EYA2: variants seen among roughly 807,000 people sequenced by gnomAD.
EYA2 encodes the protein protein phosphatase EYA2.
In EYA2, 31 loss-of-function variants were observed where a neutral mutation model predicts 69.2. The observed-to-expected ratio is 0.45, with a 90% confidence interval of 0.34 to 0.60. EYA2 has a LOEUF of 0.60. Ranked by LOEUF, EYA2 falls within the 20% of genes least tolerant of loss-of-function variation. The pLI is 0.02. For missense variants in EYA2, 622 were observed against 701.2 expected, an observed-to-expected ratio of 0.89 and a Z score of 1.28; for synonymous variants, 257 against 279.4, an observed-to-expected ratio of 0.92 and a Z score of 0.80.
intron 1 of EYA2, among the ~76,000 whole-genome samples, chr20:46,912,559 G>A (rs907238113): frequency 3.1e-4 from 47 of 152,286 alleles, no homozygotes; most frequent in Non-Finnish European, 5.7e-4. Flanking sequence ...TTGTTTAGGG[G>A]GGAAAGAAGA....
intron 1 of EYA2, among the ~76,000 whole-genome samples, chr20:46,900,986 T>C (rs1442296245): frequency 6.6e-6 from 1 of 152,198 alleles, no homozygotes; most frequent in Non-Finnish European, 1.5e-5. Context: ...TGAAAACCAC[T>C]AGTTCTCGTT....
intron 12 of EYA2, 84 bp downstream of exon 12, chr20:47,172,951 A>G: frequency 6.7e-7 from 1 of 1,481,500 alleles, no homozygotes; most frequent in Non-Finnish European, 9.1e-7. Context: ...GCCAGGCGCC[A>G]GGCAGAGAGG....
At chr20:47,164,742 C>T (rs1426058636) in intron 10 of EYA2, among the ~76,000 whole-genome samples, 1 of 152,066 alleles carries the variant, frequency 6.6e-6, no homozygotes, top group Non-Finnish European at 1.5e-5. Context: ...AATGGATGCC[C>T]TGGCTGAAGG....
At chr20:47,099,771 T>C (rs2032370799) in intron 9 of EYA2, among the ~76,000 whole-genome samples, 1 of 152,232 alleles carries the variant, frequency 6.6e-6, no homozygotes, top group Admixed American at 6.5e-5. Context: ...CCTCTCCATC[T>C]AAATTGCGTC....
intron 5 of EYA2, among the ~76,000 whole-genome samples, chr20:47,034,734 T>C (rs576835711): frequency 1.8e-4 from 28 of 152,320 alleles, no homozygotes; most frequent in Admixed American, 8.5e-4. Context: ...TTGAAGAATA[T>C]AAGTTTATTG....
At chr20:47,160,108 G>A (rs1009118788) in intron 10 of EYA2, among the ~76,000 whole-genome samples, 1 of 152,172 alleles carries the variant, frequency 6.6e-6, no homozygotes. Context: ...GGAGCGGGAC[G>A]TGATCTGACT....
At chr20:46,933,480 G>C (rs955788442) in intron 1 of EYA2, among the ~76,000 whole-genome samples, 3 of 152,208 alleles carry the variant, frequency 2.0e-5, no homozygotes, top group Non-Finnish European at 4.4e-5. Context: ...GATCAGGTTG[G>C]TGTTGGCTCC....
rs181174816 is a variant in EYA2, at chr20:47,173,998, C to T, written c.1198+1131C>T. On this transcript the variant is annotated intron_variant, in intron 12 of 15. Coordinates refer to ENST00000327619, the MANE Select transcript of EYA2 (RefSeq NM_005244.5). The stretch of plus-strand genomic sequence containing the variant: ...ACAAGAAGTCTGAAGGCACTGAAGG[C>T]GAGGCTGGCTCAGCCGTAGTCTAGA... Among the ~76,000 whole-genome samples the T allele has an allele frequency of 4.7e-4, 72 of 152,284 alleles. 1 individual carries two copies. In the South Asian group the frequency reaches 0.011, roughly 24 times the overall value.
At chr20:47,143,008 A>T (rs558133381) in intron 9 of EYA2, 51 bp from the exon 10 acceptor site, 1 of 1,557,168 alleles carries the variant, frequency 6.4e-7, no homozygotes, top group South Asian at 1.1e-5. Flanking sequence ...AGGGTAGCTA[A>T]GATTCCTCAG....
chr20:47,173,081 T>G (rs2034358050), intron 12 of EYA2, among the ~76,000 whole-genome samples: 1 of 152,182 alleles, frequency 6.6e-6, no homozygotes, highest in East Asian at 1.9e-4. Context: ...AGGCTGCATC[T>G]GGTCCAAGAT....
chr20:47,007,990 A>G (rs1049514079), intron 4 of EYA2, among the ~76,000 whole-genome samples: 3 of 152,166 alleles, frequency 2.0e-5, no homozygotes, highest in Admixed American at 6.5e-5. Flanking sequence ...CAGGAGGAGA[A>G]GCAGGAAGGC....
At chr20:47,084,077 G>C (rs6012112) in intron 7 of EYA2, among the ~76,000 whole-genome samples, 135,367 of 151,706 alleles carry the variant, frequency 0.89, 61,428 homozygotes, top group Non-Finnish European at 0.98. Flanking sequence ...GAAACCCTGT[G>C]TCTACTAAAA....
chr20:47,123,052 A>G (rs1246590066), intron 9 of EYA2, among the ~76,000 whole-genome samples: 1 of 151,964 alleles, frequency 6.6e-6, no homozygotes, highest in African/African-American at 2.4e-5. Context: ...TAACAATAAT[A>G]CTCACCTTAT....
At chr20:46,942,128 T>C (rs1986180434) in intron 1 of EYA2, among the ~76,000 whole-genome samples, 1 of 152,238 alleles carries the variant, frequency 6.6e-6, no homozygotes, top group South Asian at 2.1e-4. Context: ...GTAACATGTT[T>C]TCTGTTACTA....
rs768509208 is a variant in EYA2 at position 47,180,852 on chromosome 20, C to T, written c.1351C>T (p.Leu451=). ...CAATGTGCTGGTCACCACCACTCAACTAATTCCTGCCCTGGCCAAAGTCCT... is the reference window on the plus strand; with the variant it reads ...CAATGTGCTGGTCACCACCACTCAATTAATTCCTGCCCTGGCCAAAGTCCT... ...CVNVLVTTTQ[L]IPALAKVLLY... Residue 451 remains leucine (L), a synonymous_variant, in exon 14 of 16, where the codon CTA becomes TTA. Coordinates refer to ENST00000327619, the MANE Select transcript of EYA2 (RefSeq NM_005244.5). 1 of 1,614,230 alleles carries T rather than the reference C, an allele frequency of 6.2e-7. No individual in the cohort carries two copies. The highest frequency in any genetic ancestry group is 2.2e-5 in the East Asian group (1 of 44,878).
chr20:47,092,215 C>T (rs1262629313), intron 8 of EYA2, among the ~76,000 whole-genome samples: 2 of 149,506 alleles, frequency 1.3e-5, no homozygotes, highest in South Asian at 4.2e-4. Context: ...ATGCTTGGTG[C>T]CCTACACTTG....
chr20:47,052,961 A>G (rs1241482423), intron 5 of EYA2, among the ~76,000 whole-genome samples: 1 of 152,214 alleles, frequency 6.6e-6, no homozygotes, highest in Non-Finnish European at 1.5e-5. Flanking sequence ...CCATCTGGGT[A>G]GGACCTGGTG....
chr20:47,073,190 C>T (rs761994212), intron 6 of EYA2, among the ~76,000 whole-genome samples: 33 of 152,292 alleles, frequency 2.2e-4, no homozygotes, highest in African/African-American at 7.9e-4. Flanking sequence ...GGAAGCAGAA[C>T]GTTCCATGAG....
At chr20:46,974,298 A>G (rs925385274) in intron 1 of EYA2, among the ~76,000 whole-genome samples, 5 of 152,210 alleles carry the variant, frequency 3.3e-5, no homozygotes, top group East Asian at 1.9e-4. Flanking sequence ...TTGGTTTCCA[A>G]TATTCAGTTT....
Sources: gnomAD v4.1 joint callset for allele counts (sites outside exome capture counted in the v4.1 genomes callset) on GRCh38, gnomAD v4.1.1 for gene constraint, MANE v1.5 for transcripts, NCBI Gene and HGNC (gene_info 2026-07-23, HGNC 2026-07-21) for gene names.